The following DCTN4 variants were observed in gnomAD, a reference collection of about 807,000 sequenced individuals.
DCTN4 encodes the protein dynactin 4 (p62).
Under a neutral mutation model 62.7 loss-of-function variants are expected in DCTN4, and 23 were observed. The observed-to-expected ratio is 0.37, with a 90% confidence interval of 0.26 to 0.52. DCTN4 has a LOEUF of 0.52. Ranked by LOEUF, DCTN4 falls within the 20% of genes least tolerant of loss-of-function variation. The probability of loss-of-function intolerance (pLI) is 0.92; values close to 1 mark genes in which losing one functional copy is unlikely to be tolerated. For missense variants in DCTN4, 514 were observed against 580.4 expected, an observed-to-expected ratio of 0.89 and a Z score of 1.18; for synonymous variants, 199 against 202.1, an observed-to-expected ratio of 0.98 and a Z score of 0.13.
In DCTN4 at chr5:150,709,675, G is replaced by A. The variant is rs932196512; in HGVS notation, c.*1474C>T. The A allele has an allele frequency of 2.6e-5, 4 of 152,296 alleles. No individual in the cohort carries two copies. Among genetic ancestry groups the A allele is most frequent in the Non-Finnish European group, 5.9e-5 (4 of 68,024 alleles). The allele number at this position is 152,296 out of a possible 1,614,324, so 9.4% of individuals were successfully genotyped here. ...ACCTTTGTACAATTAGTACAATTTAGTGTCTTTTAGAGTACAATTTAGTGT... is the reference window on the plus strand; with the variant it reads ...ACCTTTGTACAATTAGTACAATTTAATGTCTTTTAGAGTACAATTTAGTGT... On this transcript the variant is annotated 3_prime_UTR_variant, in exon 13 of 13. Coordinates refer to ENST00000447998, the MANE Select transcript of DCTN4 (RefSeq NM_016221.4).
At chr5:150,744,469 A>C (rs1364893593) in intron 3 of DCTN4, among the ~76,000 whole-genome samples, 4 of 152,090 alleles carry the variant, frequency 2.6e-5, no homozygotes, top group Non-Finnish European at 4.4e-5. Context: ...AAGAAGAGCA[A>C]CTCCAAGACA....
In DCTN4 at chr5:150,719,938, A is replaced by G. The variant is rs184953595; in HGVS notation, c.909-168T>C. On this transcript the variant is annotated intron_variant, in intron 9 of 12. Coordinates refer to ENST00000447998, the MANE Select transcript of DCTN4 (RefSeq NM_016221.4). ...TCACAGTAAGAACTTAAGAAAAGACATAAGACCAAACTGGTATGAGTTCTT... is the reference window on the plus strand; with the variant it reads ...TCACAGTAAGAACTTAAGAAAAGACGTAAGACCAAACTGGTATGAGTTCTT... Among the ~76,000 whole-genome samples the G allele has an allele frequency of 5.1e-3, 734 of 143,026 alleles. 4 individuals are homozygous for G. The highest frequency in any genetic ancestry group is 0.018 in the African/African-American group (698 of 38,722). The allele number at this position is 143,026 out of a possible 152,430, so 93.8% of individuals were successfully genotyped here.
chr5:150,737,815 A>G (rs894843562), intron 4 of DCTN4, among the ~76,000 whole-genome samples: 10 of 152,190 alleles, frequency 6.6e-5, no homozygotes, highest in Admixed American at 4.6e-4. Context: ...AATAAAAAAG[A>G]TAAATGAAAC....
At chr5:150,738,915 T>G (rs1468420335) in intron 4 of DCTN4, among the ~76,000 whole-genome samples, 1 of 152,148 alleles carries the variant, frequency 6.6e-6, no homozygotes, top group Non-Finnish European at 1.5e-5. Context: ...AATAAAAGGT[T>G]GGGCACAGTG....
At position 150,730,615 on chromosome 5, in the gene DCTN4, A is replaced by T. The variant is rs1275666171; in HGVS notation, c.834+16T>A. Reference sequence around the variant, plus strand: ...CCTCTTGTACAAATGGTCAGTCTACAGAATGGAATACTTACACGGCAGCGC... The same window carrying T: ...CCTCTTGTACAAATGGTCAGTCTACTGAATGGAATACTTACACGGCAGCGC... On this transcript the variant is annotated intron_variant, in intron 8 of 12. Transcript: ENST00000447998. 6.2e-7 allele frequency: 1 copy of T among 1,609,496 alleles called. No homozygotes were observed. The highest frequency in any genetic ancestry group is 8.5e-7 in the Non-Finnish European group (1 of 1,176,142).
chr5:150,727,003 A>G (rs746546097), intron 8 of DCTN4, among the ~76,000 whole-genome samples: 1 of 152,206 alleles, frequency 6.6e-6, no homozygotes, highest in Non-Finnish European at 1.5e-5. Context: ...CCTGAAGCAC[A>G]AACCCCAGGT....
intron 10 of DCTN4, among the ~76,000 whole-genome samples, chr5:150,718,819 A>T (rs747435540): frequency 1.5e-4 from 23 of 148,634 alleles, no homozygotes; most frequent in Non-Finnish European, 2.9e-4. Context: ...AATTTTTATT[A>T]TTTATTTATT....
At chr5:150,734,399 C>T (rs1019870606) in intron 4 of DCTN4, 1 of 152,154 alleles carries the variant, frequency 6.6e-6, no homozygotes, top group African/African-American at 2.4e-5. Context: ...TTAACCTTAC[C>T]TAGTGCTGAA....
chr5:150,717,276 T>C (rs1199747844), intron 11 of DCTN4, among the ~76,000 whole-genome samples: 1 of 151,974 alleles, frequency 6.6e-6, no homozygotes, highest in Non-Finnish European at 1.5e-5. Context: ...TGAGATGGAG[T>C]CTCACCTCAG....
At chr5:150,718,994 A>AT (rs200949905) in intron 10 of DCTN4, among the ~76,000 whole-genome samples, 1,669 of 151,892 alleles carry the variant, frequency 0.011, 27 homozygotes, top group African/African-American at 0.036. Context: ...AATTTTTTGT[A>AT]TTTTTTGTAG....
intron 8 of DCTN4, among the ~76,000 whole-genome samples, chr5:150,729,042 C>CCTTTTTTTTTTTTTTTTTTTTTTTT (rs762124472): frequency 3.8e-5 from 2 of 52,140 alleles, no homozygotes; most frequent in African/African-American, 1.5e-4. Context: ...ACCACACTGG[C>CCTTTTTTTTTTTTTTTTTTTTTTTT]TTTTTTTTTT....
In DCTN4 at chr5:150,749,662, T is replaced by A. The variant is rs11959725; in HGVS notation, c.385+3817A>T. Among the ~76,000 whole-genome samples, 387 of 112,964 alleles carry A rather than the reference T, an allele frequency of 3.4e-3. 3 individuals carry two copies. The highest frequency in any genetic ancestry group is 0.018 in the African/African-American group (327 of 17,988). The allele number at this position is 112,964 out of a possible 152,430, so 74.1% of individuals were successfully genotyped here. ...GAAACCCCATCTCTACTTTAAAAAA[T>A]AAAAAAAAATAAAAATAGTTTGGCA... is the stretch of plus-strand genomic sequence containing the variant. On this transcript the variant is annotated intron_variant, in intron 3 of 12. Coordinates refer to ENST00000447998, the MANE Select transcript of DCTN4 (RefSeq NM_016221.4).
intron 3 of DCTN4, among the ~76,000 whole-genome samples, chr5:150,744,021 C>T (rs1284352004): frequency 6.6e-6 from 1 of 152,058 alleles, no homozygotes; most frequent in African/African-American, 2.4e-5. Flanking sequence ...GAACCAAAGG[C>T]AAAGAAGTTG....
chr5:150,719,778 T>A lies in DCTN4; in HGVS notation c.909-8A>T. 2 of 1,595,612 alleles carry A rather than the reference T, an allele frequency of 1.3e-6. No individual in the cohort carries two copies. Among genetic ancestry groups the A allele is most frequent in the Non-Finnish European group, 1.7e-6 (2 of 1,166,188 alleles). ...ACTTCTGGAATATAATTGCTGTGCA[T>A]AAATAAAAAAATGCATTAATGTTCA... On this transcript the variant is annotated splice_polypyrimidine_tract_variant and splice_region_variant and intron_variant, in intron 9 of 12. Coordinates refer to ENST00000447998, the MANE Select transcript of DCTN4 (RefSeq NM_016221.4).
At chr5:150,726,278 C>T (rs894494235) in intron 8 of DCTN4, among the ~76,000 whole-genome samples, 2 of 152,146 alleles carry the variant, frequency 1.3e-5, no homozygotes, top group Non-Finnish European at 2.9e-5. Context: ...GCTTTCAACA[C>T]ACTGGAACTC....
At position 150,724,615 on chromosome 5, in the gene DCTN4, G is replaced by A. The variant is rs114812785; in HGVS notation, c.835-1635C>T. Among the ~76,000 whole-genome samples, 866 of 152,142 alleles carry A rather than the reference G, an allele frequency of 5.7e-3. 7 individuals are homozygous for A. Among genetic ancestry groups the A allele is most frequent in the African/African-American group, 0.02 (834 of 41,504 alleles). On this transcript the variant is annotated intron_variant, in intron 8 of 12. Transcript: ENST00000447998. ...GTTCCTGAAATTAACTTCTATGTAG[G>A]GTGAGGTAGCAACCCAATTTTATTT...
intron 1 of DCTN4, chr5:150,758,636 G>A: frequency 5.6e-6 from 7 of 1,255,010 alleles, no homozygotes; most frequent in Non-Finnish European, 7.3e-6. Flanking sequence ...TGTCCAATCA[G>A]AGGCCGCTCT....
rs149078575 is a variant in DCTN4 at position 150,726,365 on chromosome 5, C to CT, written c.835-3386dup. ...ATGCATTGCTCTGCTGCTGGATACT[C>CT]TAACAGCTTGAACAGGGGAGCTCAC... On this transcript the variant is annotated intron_variant, in intron 8 of 12. Coordinates refer to ENST00000447998, the MANE Select transcript of DCTN4 (RefSeq NM_016221.4). Among the ~76,000 whole-genome samples the CT allele has an allele frequency of 5.6e-3, 847 of 152,260 alleles. 7 individuals carry two copies. The highest frequency in any genetic ancestry group is 0.02 in the African/African-American group (821 of 41,550).
intron 1 of DCTN4, chr5:150,758,363 CGGCTGCA>C: frequency 1.0e-6 from 1 of 986,578 alleles, no homozygotes; most frequent in Non-Finnish European, 1.2e-6. Context: ...AACCTCTTCC[CGGCTGCA>C]GGCCTTGGCC....
Sources: allele counts gnomAD v4.1 joint callset (sites outside exome capture counted in the v4.1 genomes callset), GRCh38; gene constraint gnomAD v4.1.1; transcripts MANE v1.5; gene names NCBI Gene and HGNC (gene_info 2026-07-23, HGNC 2026-07-21).